Variants in BRAF observed in about 807,000 individuals in gnomAD.
BRAF encodes the protein serine/threonine-protein kinase B-raf.
BRAF carries 16 observed loss-of-function variants against 104.6 expected under a neutral mutation model. The observed-to-expected ratio is 0.15, with a 90% confidence interval of 0.10 to 0.23. BRAF has a LOEUF of 0.23. Ranked by LOEUF, BRAF falls within the 10% of genes least tolerant of loss-of-function variation. BRAF has a pLI of 1.00. For missense variants in BRAF, 541 were observed against 937.3 expected (o/e 0.58, Z 5.52); for synonymous variants, 310 against 341.6 (o/e 0.91, Z 1.02).
chr7:140,887,462 AC>A (rs1229989923), intron 1 of BRAF, among the ~76,000 whole-genome samples: 1 of 152,202 alleles, frequency 6.6e-6, no homozygotes, highest in Non-Finnish European at 1.5e-5. Context: ...GAAATGGAGA[AC>A]ATCAGTTAAC....
chr7:140,790,992 T>C (rs527472990), intron 8 of BRAF, among the ~76,000 whole-genome samples: 1 of 152,200 alleles, frequency 6.6e-6, no homozygotes, highest in South Asian at 2.1e-4. Context: ...TCGCAGCTAC[T>C]CGAGAGGCTG....
At chr7:140,798,280 T>TTTTTTTTTTTTG (rs1586200322) in intron 7 of BRAF, among the ~76,000 whole-genome samples, 2 of 146,178 alleles carry the variant, frequency 1.4e-5, no homozygotes, top group African/African-American at 2.5e-5. Flanking sequence ...TTCTTTTTTT[T>TTTTTTTTTTTTG]GAGACGGAGT....
intron 1 of BRAF, among the ~76,000 whole-genome samples, chr7:140,891,108 C>T (rs1208079660): frequency 6.6e-6 from 1 of 152,132 alleles, no homozygotes; most frequent in Non-Finnish European, 1.5e-5. Context: ...GTGGTTACTT[C>T]AAATAATCAA....
At chr7:140,762,608 T>C (rs1009756613) in intron 14 of BRAF, among the ~76,000 whole-genome samples, 2 of 134,454 alleles carry the variant, frequency 1.5e-5, no homozygotes, top group African/African-American at 2.7e-5. Flanking sequence ...GAGCTGTTTT[T>C]TTTTTTTTTT....
At chr7:140,814,272 A>G (rs1428071384) in intron 3 of BRAF, among the ~76,000 whole-genome samples, 2 of 152,260 alleles carry the variant, frequency 1.3e-5, no homozygotes, top group Non-Finnish European at 2.9e-5. Context: ...GTATGAGTCC[A>G]AACTTTCACA....
intron 3 of BRAF, among the ~76,000 whole-genome samples, chr7:140,830,445 G>A (rs1289414752): frequency 1.3e-5 from 2 of 152,184 alleles, no homozygotes; most frequent in Non-Finnish European, 1.5e-5. Context: ...AATTTCCTGA[G>A]TGATCAGGGT....
rs922479910 is a variant in BRAF at position 140,795,025 on chromosome 7, A to C, written c.981-558T>G. On this transcript the variant is annotated intron_variant, in intron 7 of 19. Transcript: ENST00000644969. ...AGAAGATGATCCTCAGAGTGCCAAT[A>C]TCTCTCATATTCTGGATTTTTTATC... Among the ~76,000 whole-genome samples, 13 of 152,308 alleles carry C rather than the reference A, an allele frequency of 8.5e-5. 1 individual carries two copies. In the Middle Eastern group the frequency reaches 0.024, roughly 279 times the overall value.
intron 8 of BRAF, among the ~76,000 whole-genome samples, chr7:140,789,782 G>A (rs556807662): frequency 9.2e-5 from 14 of 152,372 alleles, no homozygotes; most frequent in African/African-American, 3.4e-4. Flanking sequence ...CCAGGCTGGA[G>A]TGCAATGGCA....
chr7:140,847,478 G>A (rs1299530108), intron 2 of BRAF, among the ~76,000 whole-genome samples: 2 of 152,020 alleles, frequency 1.3e-5, no homozygotes, highest in Admixed American at 6.5e-5. Flanking sequence ...AGCTACTTGG[G>A]AGGCTGAGGT....
rs537220144 is a variant in BRAF at position 140,863,364 on chromosome 7, A to G, written c.139-13152T>C. ...CTGTGGCTATATGGTAAGCAAGGGG[A>G]GAGTAGAAACAAGATGGGTATCAGA... On this transcript the variant is annotated intron_variant, in intron 1 of 19. Coordinates refer to ENST00000644969, the MANE Select transcript of BRAF (RefSeq NM_001374258.1). 6.6e-5 allele frequency among the ~76,000 whole-genome samples: 10 copies of G among 152,330 alleles called. No homozygotes were observed. The East Asian group carries it at 1.9e-3, about 29-fold the overall frequency.
intron 1 of BRAF, among the ~76,000 whole-genome samples, chr7:140,904,059 T>C (rs1030533200): frequency 3.9e-5 from 6 of 152,206 alleles, no homozygotes; most frequent in East Asian, 1.9e-4. Flanking sequence ...GAATATTACA[T>C]AGAATTAGTT....
rs1018882406 is a variant in BRAF, at chr7:140,724,145, A to G, written c.*2349T>C. 9.5e-7 allele frequency: 1 copy of G among 1,054,308 alleles called. No homozygotes were observed. Among genetic ancestry groups the G allele is most frequent in the African/African-American group, 1.7e-5 (1 of 60,384 alleles). 65.3% of individuals were successfully genotyped at this position (1,054,308 alleles called of 1,614,324 possible). A position where few individuals can be genotyped will look rare whatever the true frequency, so the allele number is the denominator to read the frequency against. ...AATGCAAGGGAAGAAAAAGTGTATCACCCTGAATATTGTTTAAGAAACTGA... is the reference window on the plus strand; with the variant it reads ...AATGCAAGGGAAGAAAAAGTGTATCGCCCTGAATATTGTTTAAGAAACTGA... On this transcript the variant is annotated 3_prime_UTR_variant, in exon 20 of 20. Coordinates refer to ENST00000644969, the MANE Select transcript of BRAF (RefSeq NM_001374258.1).
At chr7:140,797,362 C>T (rs1195412089) in intron 7 of BRAF, among the ~76,000 whole-genome samples, 1 of 152,148 alleles carries the variant, frequency 6.6e-6, no homozygotes, top group Non-Finnish European at 1.5e-5. Flanking sequence ...GTATTCAAAA[C>T]TGGGCAATGT....
intron 1 of BRAF, among the ~76,000 whole-genome samples, chr7:140,868,719 T>C (rs1242628548): frequency 6.6e-6 from 1 of 152,126 alleles, no homozygotes; most frequent in East Asian, 1.9e-4. Context: ...GTGATTTGTA[T>C]GGTAGGTGAA....
intron 14 of BRAF, among the ~76,000 whole-genome samples, chr7:140,763,342 C>A (rs1310976559): frequency 6.9e-6 from 1 of 144,638 alleles, no homozygotes; most frequent in Non-Finnish European, 1.5e-5. Context: ...GGGGCTGACC[C>A]CCCCACCTCC....
chr7:140,786,257 T>C (rs555223097), intron 9 of BRAF, among the ~76,000 whole-genome samples: 2 of 152,228 alleles, frequency 1.3e-5, no homozygotes, highest in African/African-American at 2.4e-5. Context: ...GGCTTATTAT[T>C]ATTTTGGTTG....
chr7:140,866,665 G>C (rs1042132979), intron 1 of BRAF, among the ~76,000 whole-genome samples: 3 of 152,144 alleles, frequency 2.0e-5, no homozygotes, highest in Non-Finnish European at 4.4e-5. Context: ...AGCCACCTTA[G>C]TCAAGATGTT....
At chr7:140,904,430 AT>A (rs1327707004) in intron 1 of BRAF, among the ~76,000 whole-genome samples, 1 of 151,522 alleles carries the variant, frequency 6.6e-6, no homozygotes, top group African/African-American at 2.4e-5. Context: ...GGTGGTAGGT[AT>A]TTCTTTTTTG....
chr7:140,834,161 G>A (rs1217262134), intron 3 of BRAF: 3 of 223,164 alleles, frequency 1.3e-5, no homozygotes, highest in African/African-American at 7.0e-5. Flanking sequence ...CTGTTCCAAT[G>A]GTTAATACTA....
Sources: allele counts gnomAD v4.1 joint callset (sites outside exome capture counted in the v4.1 genomes callset), GRCh38; gene constraint gnomAD v4.1.1; transcripts MANE v1.5; gene names NCBI Gene and HGNC (gene_info 2026-07-23, HGNC 2026-07-21).